Variants in COP1 observed in about 807,000 individuals in gnomAD.
The protein encoded by COP1 is COP1 E3 ubiquitin ligase, also known as E3 ubiquitin-protein ligase COP1.
Under a neutral mutation model 101.3 loss-of-function variants are expected in COP1, and 24 were observed. That is an observed-to-expected ratio of 0.24 (90% confidence interval 0.17 to 0.33). The LOEUF (loss-of-function observed/expected upper bound fraction) is 0.33, where lower values mean the gene tolerates loss of function less well. COP1 is among the 10% of genes least tolerant of loss of function. The pLI, the probability that COP1 is intolerant of heterozygous loss-of-function variation, is 1.00. For missense variants in COP1, 663 were observed against 906.2 expected (o/e 0.73, Z 3.45); for synonymous variants, 347 against 341.9 (o/e 1.01, Z -0.17).
Position 176,207,235 on chromosome 1 carries a change from T to A in COP1, c.-257A>T. 1 of 398,498 alleles carries A rather than the reference T, an allele frequency of 2.5e-6. No individual in the cohort carries two copies. The highest frequency in any genetic ancestry group is 4.4e-6 in the Non-Finnish European group (1 of 226,336). The allele number at this position is 398,498 out of a possible 1,614,324, so 24.7% of individuals were successfully genotyped here. A position where few individuals can be genotyped will look rare whatever the true frequency, so the allele number is the denominator to read the frequency against. On this transcript the variant is annotated 5_prime_UTR_variant, in exon 1 of 20. Coordinates refer to ENST00000367669, the MANE Select transcript of COP1 (RefSeq NM_022457.7). ...AGGCCGCCGCCGCCACCGCGGTCCC[T>A]GTAGCAGCCAACCCCGGCGCGCCGT...
chr1:176,104,456 A>C (rs1223469315), intron 9 of COP1, among the ~76,000 whole-genome samples: 1 of 152,178 alleles, frequency 6.6e-6, no homozygotes, highest in African/African-American at 2.4e-5. Context: ...GAACCCAAAA[A>C]GTCAAGCACC....
chr1:176,082,763 C>G (rs1018567523), intron 10 of COP1, among the ~76,000 whole-genome samples: 1 of 151,580 alleles, frequency 6.6e-6, no homozygotes, highest in African/African-American at 2.4e-5. Context: ...CAAGATCACA[C>G]CACTGCATTC....
At chr1:176,137,151 T>A (rs1292445518) in intron 6 of COP1, among the ~76,000 whole-genome samples, 1 of 152,214 alleles carries the variant, frequency 6.6e-6, no homozygotes, top group African/African-American at 2.4e-5. Context: ...TTAAGGGTTT[T>A]AAAAACATAT....
chr1:176,203,426 G>A (rs1310647565), intron 1 of COP1, among the ~76,000 whole-genome samples: 1 of 152,228 alleles, frequency 6.6e-6, no homozygotes, highest in African/African-American at 2.4e-5. Context: ...GCTGGGACTT[G>A]CAGAGGTAGA....
At chr1:176,019,727 A>G (rs1666389987) in intron 15 of COP1, among the ~76,000 whole-genome samples, 1 of 150,400 alleles carries the variant, frequency 6.6e-6, no homozygotes, top group Non-Finnish European at 1.5e-5. Context: ...CAGGCATCGT[A>G]GCATGCTCCT....
intron 11 of COP1, among the ~76,000 whole-genome samples, chr1:176,070,687 T>A (rs936113201): frequency 6.6e-6 from 1 of 152,108 alleles, no homozygotes; most frequent in Non-Finnish European, 1.5e-5. Flanking sequence ...AAAAAACCTC[T>A]GTCATCCAGA....
At chr1:176,010,511 C>T (rs1316969524) in intron 15 of COP1, among the ~76,000 whole-genome samples, 1 of 152,120 alleles carries the variant, frequency 6.6e-6, no homozygotes, top group East Asian at 1.9e-4. Context: ...CACATTGTTC[C>T]ACACATCTGA....
At chr1:176,136,622 TA>T in intron 6 of COP1, 75 bp from the exon 7 acceptor site, 1 of 917,924 alleles carries the variant, frequency 1.1e-6, no homozygotes, top group African/African-American at 1.7e-5. Flanking sequence ...ACCATGATCA[TA>T]AAATAAATTT....
chr1:176,032,539 AAC>A (rs1668808156), intron 14 of COP1, among the ~76,000 whole-genome samples: 1 of 152,068 alleles, frequency 6.6e-6, no homozygotes, highest in Admixed American at 6.6e-5. Flanking sequence ...GCTCAGTCTC[AAC>A]ACACTGCAGT....
chr1:176,116,276 C>G (rs2481629), intron 9 of COP1, among the ~76,000 whole-genome samples: 140,081 of 152,156 alleles, frequency 0.92, 65,309 homozygotes, highest in East Asian at 1. Context: ...AGCTACTTGA[C>G]AGGCTGAGGT....
chr1:176,120,088 G>A (rs938198314), intron 8 of COP1, among the ~76,000 whole-genome samples: 1 of 152,002 alleles, frequency 6.6e-6, no homozygotes, highest in African/African-American at 2.4e-5. Flanking sequence ...ATTTTAAAGA[G>A]AAAAATGAAA....
intron 6 of COP1, among the ~76,000 whole-genome samples, chr1:176,147,269 C>A (rs76961681): frequency 1.3e-5 from 2 of 152,242 alleles, no homozygotes; most frequent in East Asian, 3.9e-4. Flanking sequence ...TCTGTCTGCA[C>A]TAAAACATAT....
At chr1:176,020,987 TTTAAGAGACATGGTC>T (rs1388790656) in intron 15 of COP1, among the ~76,000 whole-genome samples, 6 of 152,284 alleles carry the variant, frequency 3.9e-5, no homozygotes, top group African/African-American at 1.4e-4. Flanking sequence ...TCTTTCTTTT[TTTAAGAGACATGGTC>T]TTGCTCTGTT....
At chr1:176,086,733 T>A (rs1430548010) in intron 9 of COP1, among the ~76,000 whole-genome samples, 1 of 152,174 alleles carries the variant, frequency 6.6e-6, no homozygotes, top group Non-Finnish European at 1.5e-5. Context: ...TACCAATGAC[T>A]TTCTTCACAG....
chr1:176,003,922 A>T (rs1662424553), intron 15 of COP1, among the ~76,000 whole-genome samples: 1 of 151,990 alleles, frequency 6.6e-6, no homozygotes, highest in Non-Finnish European at 1.5e-5. Context: ...ATGGCATTGA[A>T]TCTGTAAATT....
intron 11 of COP1, among the ~76,000 whole-genome samples, chr1:176,055,039 T>C (rs781320005): frequency 6.6e-6 from 1 of 152,236 alleles, no homozygotes; most frequent in Non-Finnish European, 1.5e-5. Flanking sequence ...CTGACATTGA[T>C]GATCACTCTC....
chr1:176,043,092 G>C, intron 14 of COP1, 94 bp downstream of exon 14: 1 of 770,240 alleles, frequency 1.3e-6, no homozygotes, highest in Non-Finnish European at 2.3e-6. Context: ...ACTGACATGA[G>C]TTTGAGTAAA....
chr1:176,125,630 T>C (rs1045505436), intron 8 of COP1, among the ~76,000 whole-genome samples: 2 of 152,212 alleles, frequency 1.3e-5, no homozygotes, highest in Non-Finnish European at 2.9e-5. Flanking sequence ...ACTATAGCTA[T>C]ATAGTATAAT....
rs185124603 is a variant in COP1, at chr1:175,984,367, T to C, written c.2133+2576A>G. Among the ~76,000 whole-genome samples the C allele has an allele frequency of 1.3e-3, 194 of 152,290 alleles. 2 individuals carry two copies. Among genetic ancestry groups the C allele is most frequent in the African/African-American group, 4.4e-3 (184 of 41,558 alleles). On this transcript the variant is annotated intron_variant, in intron 18 of 19. Coordinates refer to ENST00000367669, the MANE Select transcript of COP1 (RefSeq NM_022457.7). ...AAGCCTTGGCAGCTTCCATGTGGTG[T>C]TGAGCCTGCGTGTGCACAGAAATAA...
Sources: gnomAD v4.1 joint callset for allele counts (sites outside exome capture counted in the v4.1 genomes callset) on GRCh38, gnomAD v4.1.1 for gene constraint, MANE v1.5 for transcripts, NCBI Gene and HGNC (gene_info 2026-07-23, HGNC 2026-07-21) for gene names.